The following BNC2 variants were observed in gnomAD, a reference collection of about 807,000 sequenced individuals.
BNC2 encodes zinc finger protein basonuclin-2.
BNC2 carries 20 observed loss-of-function variants against 76.3 expected under a neutral mutation model. The ratio of observed to expected loss-of-function variants is 0.26; its 90% CI spans 0.18 to 0.38. BNC2 has a LOEUF of 0.38. Ranked by LOEUF, BNC2 falls within the 10% of genes least tolerant of loss-of-function variation. The probability of loss-of-function intolerance (pLI) is 1.00; values close to 1 mark genes in which losing one functional copy is unlikely to be tolerated. For synonymous variants in BNC2, 582 were observed against 514.8 expected (o/e 1.13, Z -1.77); for missense variants, 1,382 against 1,399.8 (o/e 0.99, Z 0.20).
At chr9:16,775,831 C>G (rs535475363) in intron 1 of BNC2, 5 of 154,548 alleles carry the variant, frequency 3.2e-5, no homozygotes, top group Non-Finnish European at 5.8e-5. Context: ...CTCAATGAGG[C>G]TGGTGGTGCC....
intron 1 of BNC2, among the ~76,000 whole-genome samples, chr9:16,866,089 T>C (rs1819536930): frequency 6.6e-6 from 1 of 152,184 alleles, no homozygotes; most frequent in East Asian, 1.9e-4. Flanking sequence ...TCTAAAGTAA[T>C]GCTCCTAAAA....
At chr9:16,522,647 CT>C (rs980537795) in intron 5 of BNC2, among the ~76,000 whole-genome samples, 1 of 152,104 alleles carries the variant, frequency 6.6e-6, no homozygotes, top group Non-Finnish European at 1.5e-5. Flanking sequence ...AGGTTTGAAG[CT>C]TTTTAAAAGA....
chr9:16,480,608 A>T (rs535285423), intron 5 of BNC2, among the ~76,000 whole-genome samples: 208 of 152,300 alleles, frequency 1.4e-3, no homozygotes, highest in African/African-American at 4.9e-3. Flanking sequence ...TTGGAGCAGC[A>T]GGCCGGCCCT....
At chr9:16,571,863 G>A (rs1028439907) in intron 4 of BNC2, among the ~76,000 whole-genome samples, 4 of 151,888 alleles carry the variant, frequency 2.6e-5, no homozygotes, top group African/African-American at 4.8e-5. Flanking sequence ...ATGAAGAACT[G>A]CTTGTCAGAG....
At chr9:16,817,048 C>A (rs916034748) in intron 1 of BNC2, among the ~76,000 whole-genome samples, 5 of 152,136 alleles carry the variant, frequency 3.3e-5, no homozygotes, top group Non-Finnish European at 7.4e-5. Context: ...TTTAGGAAAA[C>A]CTTCCTGCAT....
chr9:16,847,470 TGACTTTA>T (rs1819017602), intron 1 of BNC2, among the ~76,000 whole-genome samples: 1 of 116,110 alleles, frequency 8.6e-6, no homozygotes, highest in Admixed American at 1.1e-4. Context: ...TTAAGGAAGT[TGACTTTA>T]TAAAATTCAT....
chr9:16,750,030 T>C (rs931010252), intron 1 of BNC2, among the ~76,000 whole-genome samples: 6 of 152,208 alleles, frequency 3.9e-5, no homozygotes, highest in African/African-American at 9.7e-5. Flanking sequence ...CTTGAAACTA[T>C]AGTAGACACT....
chr9:16,847,403 G>A (rs1356346789), intron 1 of BNC2, among the ~76,000 whole-genome samples: 1 of 69,472 alleles, frequency 1.4e-5, no homozygotes. Flanking sequence ...TCTCGGGGCG[G>A]GGGGGGGGGG....
chr9:16,851,225 C>T (rs4961500), intron 1 of BNC2, among the ~76,000 whole-genome samples: 147,896 of 152,304 alleles, frequency 0.97, 71,928 homozygotes, highest in Middle Eastern at 1. Context: ...ATCAGTACAG[C>T]GGCTGGGTGC....
In BNC2 at chr9:16,511,812, T is replaced by A. The variant is rs73417434; in HGVS notation, c.669+40718A>T. ...TAAAGTAAGCAAAGGTATTTTTTCA[T>A]GTATCATAGAAGTAATACTATTTCA... is the stretch of plus-strand genomic sequence containing the variant. On this transcript the variant is annotated intron_variant, in intron 5 of 6. Coordinates refer to ENST00000380672, the MANE Select transcript of BNC2 (RefSeq NM_017637.6). 4.6e-5 allele frequency among the ~76,000 whole-genome samples: 7 copies of A among 152,254 alleles called. No individual in the cohort carries two copies. The East Asian group carries it at 1.2e-3, about 25-fold the overall frequency.
intron 1 of BNC2, among the ~76,000 whole-genome samples, chr9:16,811,052 AC>A (rs1351526971): frequency 2.6e-5 from 4 of 151,710 alleles, no homozygotes; most frequent in African/African-American, 9.7e-5. Context: ...CCCCGTCTCT[AC>A]TAAAAATACA....
chr9:16,545,869 A>G (rs1052093877), intron 5 of BNC2, among the ~76,000 whole-genome samples: 2 of 152,226 alleles, frequency 1.3e-5, no homozygotes, highest in South Asian at 4.1e-4. Flanking sequence ...CAGAGCCATA[A>G]AACAGCAATA....
At chr9:16,498,171 T>C (rs183580714) in intron 5 of BNC2, among the ~76,000 whole-genome samples, 4,022 of 141,772 alleles carry the variant, frequency 0.028, 81 homozygotes, top group Middle Eastern at 0.076. Context: ...ATATATATTC[T>C]ATCATATATA....
intron 1 of BNC2, among the ~76,000 whole-genome samples, chr9:16,780,249 A>C (rs866025619): frequency 6.8e-5 from 9 of 132,080 alleles, no homozygotes; most frequent in African/African-American, 2.4e-4. Context: ...AAAAAAAAAA[A>C]AAAAAAACAA....
At chr9:16,542,781 A>G (rs557660678) in intron 5 of BNC2, among the ~76,000 whole-genome samples, 1 of 152,346 alleles carries the variant, frequency 6.6e-6, no homozygotes, top group Non-Finnish European at 1.5e-5. Context: ...AAGAAATCAA[A>G]TAAATGTATC....
chr9:16,686,158 A>G (rs151169018), intron 3 of BNC2, among the ~76,000 whole-genome samples: 1 of 152,240 alleles, frequency 6.6e-6, no homozygotes, highest in African/African-American at 2.4e-5. Context: ...ACTTCTATTT[A>G]TCAATATTTA....
intron 3 of BNC2, among the ~76,000 whole-genome samples, chr9:16,613,789 A>G (rs1284104857): frequency 6.6e-6 from 1 of 152,182 alleles, no homozygotes. Flanking sequence ...ATTTCCCAGA[A>G]GAAATAGTGA....
chr9:16,835,273 G>T (rs369064269), intron 1 of BNC2, among the ~76,000 whole-genome samples: 86 of 152,170 alleles, frequency 5.7e-4, no homozygotes, highest in African/African-American at 2.0e-3. Flanking sequence ...ATTTTTCTTT[G>T]TTAAGTATGT....
chr9:16,540,095 T>TA (rs923738681), intron 5 of BNC2, among the ~76,000 whole-genome samples: 174 of 150,284 alleles, frequency 1.2e-3, no homozygotes, highest in African/African-American at 3.6e-3. Flanking sequence ...ACATGCATAG[T>TA]AAAAAAAAGA....
Sources: gnomAD v4.1 joint callset for allele counts (sites outside exome capture counted in the v4.1 genomes callset) on GRCh38, gnomAD v4.1.1 for gene constraint, MANE v1.5 for transcripts, NCBI Gene and HGNC (gene_info 2026-07-23, HGNC 2026-07-21) for gene names.